INPP4B: variants seen among roughly 807,000 people sequenced by gnomAD.
INPP4B encodes inositol polyphosphate-4-phosphatase type II B, also known as inositol polyphosphate 4-phosphatase type II.
INPP4B carries 55 observed loss-of-function variants against 122.5 expected under a neutral mutation model. That is an observed-to-expected ratio of 0.45 (90% CI 0.36 to 0.56). The LOEUF is 0.56. Ranked by LOEUF, INPP4B falls within the 20% of genes least tolerant of loss-of-function variation. The probability of loss-of-function intolerance (pLI) is 0.00; values close to 1 mark genes in which losing one functional copy is unlikely to be tolerated. For synonymous variants in INPP4B, 403 were observed against 388.7 expected (o/e 1.04, Z -0.43); for missense variants, 1,000 against 1,097.7 (o/e 0.91, Z 1.26).
chr4:142,573,795 C>T (rs1167140226), intron 2 of INPP4B, among the ~76,000 whole-genome samples: 1 of 152,040 alleles, frequency 6.6e-6, no homozygotes, highest in Non-Finnish European at 1.5e-5. Flanking sequence ...GGATTACTGC[C>T]ACCATTGCCT....
intron 2 of INPP4B, among the ~76,000 whole-genome samples, chr4:142,684,280 A>G (rs757917116): frequency 1.3e-5 from 2 of 152,066 alleles, no homozygotes; most frequent in Admixed American, 6.6e-5. Flanking sequence ...TCCTTAGAAC[A>G]CAATATGGGC....
chr4:142,080,566 C>T (rs150735752), intron 25 of INPP4B, among the ~76,000 whole-genome samples: 5 of 152,204 alleles, frequency 3.3e-5, no homozygotes, highest in Admixed American at 3.3e-4. Context: ...AAATGTATTG[C>T]ATATATAATG....
At chr4:142,561,950 T>C (rs1362451700) in intron 2 of INPP4B, among the ~76,000 whole-genome samples, 1 of 152,154 alleles carries the variant, frequency 6.6e-6, no homozygotes, top group East Asian at 1.9e-4. Flanking sequence ...TTTGGCAGTA[T>C]TATATCTAGA....
At chr4:142,041,200 C>A (rs1329072079) in intron 25 of INPP4B, among the ~76,000 whole-genome samples, 1 of 152,090 alleles carries the variant, frequency 6.6e-6, no homozygotes, top group South Asian at 2.1e-4. Flanking sequence ...TATCTAACTC[C>A]ATTAAGTCTG....
chr4:142,168,437 T>C (rs976564836), intron 16 of INPP4B, among the ~76,000 whole-genome samples: 1 of 151,582 alleles, frequency 6.6e-6, no homozygotes, highest in African/African-American at 2.4e-5. Flanking sequence ...TTAAATAATG[T>C]TGGATTTTTC....
intron 1 of INPP4B, among the ~76,000 whole-genome samples, chr4:142,806,835 G>GAAAGAA (rs1360482265): frequency 6.8e-6 from 1 of 148,032 alleles, no homozygotes; most frequent in Non-Finnish European, 1.5e-5. Flanking sequence ...AAGAAAGAAA[G>GAAAGAA]AAAGAAAGAA....
chr4:142,698,540 T>C (rs989598421), intron 2 of INPP4B, among the ~76,000 whole-genome samples: 1 of 152,158 alleles, frequency 6.6e-6, no homozygotes, highest in African/African-American at 2.4e-5. Context: ...GCATCTCATT[T>C]CCTAATTTTT....
intron 2 of INPP4B, among the ~76,000 whole-genome samples, chr4:142,721,499 G>C (rs1387311898): frequency 6.6e-6 from 1 of 152,140 alleles, no homozygotes; most frequent in African/African-American, 2.4e-5. Context: ...TAAATTAGTT[G>C]ATTGGAATTT....
chr4:142,605,042 C>G (rs1268034301), intron 2 of INPP4B, among the ~76,000 whole-genome samples: 1 of 151,882 alleles, frequency 6.6e-6, no homozygotes, highest in Non-Finnish European at 1.5e-5. Context: ...TGGAACAGAA[C>G]AGAGGAGCCA....
At chr4:142,675,961 A>C (rs1470654282) in intron 2 of INPP4B, among the ~76,000 whole-genome samples, 5 of 152,080 alleles carry the variant, frequency 3.3e-5, no homozygotes, top group Non-Finnish European at 7.3e-5. Context: ...CTCTCTCACC[A>C]CTCCTATTCA....
At chr4:142,542,392 G>C (rs913812596) in intron 2 of INPP4B, among the ~76,000 whole-genome samples, 2 of 152,010 alleles carry the variant, frequency 1.3e-5, no homozygotes, top group Non-Finnish European at 2.9e-5. Context: ...ATTCTTCCCT[G>C]TTATAGGAAA....
intron 2 of INPP4B, among the ~76,000 whole-genome samples, chr4:142,720,793 C>CTATATA (rs1253977495): frequency 5.4e-5 from 2 of 37,376 alleles, no homozygotes; most frequent in Middle Eastern, 0.014. Context: ...CTCTCTCTCT[C>CTATATA]TCTCTCTCTC....
At chr4:142,503,835 G>T (rs1426771182) in intron 2 of INPP4B, among the ~76,000 whole-genome samples, 1 of 152,066 alleles carries the variant, frequency 6.6e-6, no homozygotes, top group African/African-American at 2.4e-5. Flanking sequence ...AATAGATCTT[G>T]CTATATAAGA....
intron 14 of INPP4B, among the ~76,000 whole-genome samples, chr4:142,198,797 A>T (rs1431291096): frequency 6.6e-6 from 1 of 152,110 alleles, no homozygotes; most frequent in African/African-American, 2.4e-5. Flanking sequence ...GAATATAGAA[A>T]GTAAATGACA....
At position 142,146,127 on chromosome 4, in the gene INPP4B, C is replaced by T. The variant is rs935681364; in HGVS notation, c.1564-131G>A. 10 of 983,062 alleles carry T rather than the reference C, an allele frequency of 1.0e-5. No individual in the cohort carries two copies. In the Admixed American group the frequency reaches 1.9e-4, roughly 18 times the overall value. 60.9% of individuals were successfully genotyped at this position (983,062 alleles called of 1,614,324 possible). A position where few individuals can be genotyped will look rare whatever the true frequency, so the allele number is the denominator to read the frequency against. ...ATGCAGATTGAGTAGCTCTAAATTC[C>T]CATTAATTTGGTCAGACTATGGATA... On this transcript the variant is annotated intron_variant, in intron 17 of 25. Coordinates refer to ENST00000262992, the MANE Select transcript of INPP4B (RefSeq NM_001101669.3).
chr4:142,499,618 T>C (rs543195052), intron 2 of INPP4B, among the ~76,000 whole-genome samples: 1 of 152,276 alleles, frequency 6.6e-6, no homozygotes, highest in East Asian at 1.9e-4. Flanking sequence ...GAAATAAGAA[T>C]TGTTTTATCA....
chr4:142,074,148 C>T lies in INPP4B; in HGVS notation c.2642+7883G>A, dbSNP rs72940959. 7.0e-3 allele frequency among the ~76,000 whole-genome samples: 1,072 copies of T among 152,152 alleles called. 14 individuals carry two copies. The highest frequency in any genetic ancestry group is 0.025 in the African/African-American group (1,023 of 41,518). On this transcript the variant is annotated intron_variant, in intron 25 of 25. Coordinates refer to ENST00000262992, the MANE Select transcript of INPP4B (RefSeq NM_001101669.3). ...AGCACATTTTTAAAAAAATGCACCA[C>T]TCCTGAAACAGTGTCTTCTAAATGT...
chr4:142,252,258 G>T (rs548989981), intron 11 of INPP4B, among the ~76,000 whole-genome samples: 3 of 149,054 alleles, frequency 2.0e-5, no homozygotes, highest in East Asian at 2.0e-4. Flanking sequence ...GCGCGATCTC[G>T]GCTCACTGCA....
At chr4:142,057,465 A>G (rs1418428182) in intron 25 of INPP4B, among the ~76,000 whole-genome samples, 5 of 151,488 alleles carry the variant, frequency 3.3e-5, no homozygotes, top group Non-Finnish European at 7.4e-5. Context: ...ATAAATTCTA[A>G]GTAGGTATTT....
Sources: allele counts gnomAD v4.1 joint callset (sites outside exome capture counted in the v4.1 genomes callset), GRCh38; gene constraint gnomAD v4.1.1; transcripts MANE v1.5; gene names NCBI Gene and HGNC (gene_info 2026-07-23, HGNC 2026-07-21).